Variants in LYPD6B observed in about 807,000 individuals in gnomAD.
LYPD6B encodes ly6/PLAUR domain-containing protein 6B.
LYPD6B carries 17 observed loss-of-function variants against 22.8 expected under a neutral mutation model. The observed-to-expected ratio is 0.75, with a 90% CI of 0.51 to 1.12. The LOEUF is 1.12. Ranked by LOEUF, LYPD6B falls within the 50% of genes most tolerant of loss-of-function variation. The pLI, the probability that LYPD6B is intolerant of heterozygous loss-of-function variation, is 0.00. For synonymous variants in LYPD6B, 106 were observed against 91.6 expected, an observed-to-expected ratio of 1.16 and a Z score of -0.90; for missense variants, 221 against 258.3, an observed-to-expected ratio of 0.86 and a Z score of 0.99.
intron 1 of LYPD6B, among the ~76,000 whole-genome samples, chr2:149,061,885 C>CTA (rs1165148875): frequency 6.6e-6 from 1 of 151,866 alleles, no homozygotes; most frequent in Non-Finnish European, 1.5e-5. Context: ...AAAAGTTAAA[C>CTA]ATTATCTCTA....
At chr2:149,130,623 C>T (rs533413277) in intron 1 of LYPD6B, among the ~76,000 whole-genome samples, 2 of 152,284 alleles carry the variant, frequency 1.3e-5, no homozygotes, top group South Asian at 4.1e-4. Flanking sequence ...ACTGCATTCT[C>T]CTTCCTAATT....
intron 2 of LYPD6B, among the ~76,000 whole-genome samples, chr2:149,151,334 T>C (rs1430512598): frequency 6.6e-6 from 1 of 152,134 alleles, no homozygotes; most frequent in Non-Finnish European, 1.5e-5. Context: ...CTGTTATAGG[T>C]GCAGGGTGCT....
At chr2:149,189,874 A>C (rs1420424268) in intron 3 of LYPD6B, among the ~76,000 whole-genome samples, 1 of 152,154 alleles carries the variant, frequency 6.6e-6, no homozygotes, top group Non-Finnish European at 1.5e-5. Context: ...CAAAAATGCT[A>C]TTTTGTACCA....
chr2:149,134,637 A>G (rs1470778272), intron 2 of LYPD6B, among the ~76,000 whole-genome samples: 1 of 152,246 alleles, frequency 6.6e-6, no homozygotes, highest in African/African-American at 2.4e-5. Flanking sequence ...CAACAACCCC[A>G]TTCTCTCACA....
intron 3 of LYPD6B, chr2:149,200,799 G>A (rs1229678241): frequency 2.0e-5 from 3 of 152,210 alleles, no homozygotes; most frequent in Non-Finnish European, 4.4e-5. Context: ...CTGGAAGCCT[G>A]AGAGTTGCCC....
intron 3 of LYPD6B, among the ~76,000 whole-genome samples, chr2:149,167,880 T>C (rs1282879335): frequency 6.6e-6 from 1 of 152,100 alleles, no homozygotes; most frequent in African/African-American, 2.4e-5. Flanking sequence ...ATAATAAACA[T>C]AGAGGTTTTT....
At chr2:149,150,344 C>T (rs1689291489) in intron 2 of LYPD6B, among the ~76,000 whole-genome samples, 1 of 152,152 alleles carries the variant, frequency 6.6e-6, no homozygotes, top group Non-Finnish European at 1.5e-5. Context: ...CTGGTGCACA[C>T]CCTCTGATTT....
In LYPD6B at chr2:149,184,166, A is replaced by G. The variant is rs1691942941; in HGVS notation, c.78-21087A>G. Among the ~76,000 whole-genome samples the G allele has an allele frequency of 2.0e-5, 3 of 147,990 alleles. No individual in the cohort carries two copies. The Admixed American group carries it at 2.1e-4, about 10-fold the overall frequency. On this transcript the variant is annotated intron_variant, in intron 3 of 6. Transcript: ENST00000409642. ...AAGATTGAGCCATTGCACTCCAGCA[A>G]CAAGAGTGAAACTCCATCTCAAAAA...
intron 1 of LYPD6B, among the ~76,000 whole-genome samples, chr2:149,050,747 A>T (rs2105282606): frequency 6.6e-6 from 1 of 152,318 alleles, no homozygotes; most frequent in Middle Eastern, 3.4e-3. Context: ...TAGGTCAAAC[A>T]GGGGACACCT....
chr2:149,202,590 T>G (rs911013171), intron 3 of LYPD6B, among the ~76,000 whole-genome samples: 12 of 152,348 alleles, frequency 7.9e-5, no homozygotes, highest in African/African-American at 2.9e-4. Context: ...TATGACTATC[T>G]GAAATTATGT....
At chr2:149,208,159 A>T (rs980735782) in intron 4 of LYPD6B, among the ~76,000 whole-genome samples, 155 bp from the exon 5 acceptor site, 3 of 152,240 alleles carry the variant, frequency 2.0e-5, no homozygotes, top group Non-Finnish European at 2.9e-5. Context: ...CAAAAGCCTG[A>T]TGAGTAAATC....
chr2:149,201,744 T>C (rs1483919635), intron 3 of LYPD6B, among the ~76,000 whole-genome samples: 1 of 152,194 alleles, frequency 6.6e-6, no homozygotes, highest in Non-Finnish European at 1.5e-5. Flanking sequence ...TTTTGCAGAA[T>C]TTTGATAGAA....
In LYPD6B at chr2:149,214,654, G is replaced by A. The variant is rs757641081; in HGVS notation, c.568G>A (p.Ala190Thr). ...MHAQRTSGSS[A>T]PTLYLPVLAW... ...CGCTCAGAGAACATCTGGCAGCAGT[G>A]CCCCCACACTCTACCTACCAGTGCT... The change falls in exon 7 of 7, where the codon GCC becomes ACC. Residue 190 changes from alanine to threonine, a missense_variant. Physicochemically the swap from Ala to Thr is moderately conservative, Grantham distance 58. Transcript: ENST00000409642. 2 of 1,613,976 alleles carry A rather than the reference G, an allele frequency of 1.2e-6. No homozygotes were observed. Among genetic ancestry groups the A allele is most frequent in the Non-Finnish European group, 1.7e-6 (2 of 1,179,874 alleles).
At chr2:149,206,947 A>G (rs973585663) in intron 4 of LYPD6B, among the ~76,000 whole-genome samples, 1 of 152,134 alleles carries the variant, frequency 6.6e-6, no homozygotes. Flanking sequence ...AAGAAATCAC[A>G]AGCAAACTAA....
intron 3 of LYPD6B, among the ~76,000 whole-genome samples, chr2:149,197,050 C>G (rs1028831999): frequency 6.6e-6 from 1 of 152,130 alleles, no homozygotes; most frequent in Non-Finnish European, 1.5e-5. Context: ...GAAATGAGTT[C>G]AATAAAGAGA....
At chr2:149,069,378 C>T (rs1684492670) in intron 1 of LYPD6B, among the ~76,000 whole-genome samples, 1 of 152,104 alleles carries the variant, frequency 6.6e-6, no homozygotes, top group Admixed American at 6.6e-5. Flanking sequence ...TACCTAAGAA[C>T]AGCAGAGTGA....
At chr2:149,157,185 G>A (rs994448994) in intron 2 of LYPD6B, among the ~76,000 whole-genome samples, 1 of 152,022 alleles carries the variant, frequency 6.6e-6, no homozygotes, top group Admixed American at 6.6e-5. Flanking sequence ...TCAGCCTGTC[G>A]GGGGCCGGCT....
intron 3 of LYPD6B, among the ~76,000 whole-genome samples, chr2:149,177,552 T>C (rs1266755816): frequency 6.6e-6 from 1 of 152,238 alleles, no homozygotes; most frequent in African/African-American, 2.4e-5. Flanking sequence ...AACTCATACA[T>C]TGATTTTTGG....
chr2:149,093,634 C>T (rs897822489), intron 1 of LYPD6B, among the ~76,000 whole-genome samples: 25 of 152,118 alleles, frequency 1.6e-4, no homozygotes, highest in African/African-American at 5.8e-4. Flanking sequence ...CTCTTTATTA[C>T]CTATTTCTAC....
Sources: gnomAD v4.1 joint callset for allele counts (sites outside exome capture counted in the v4.1 genomes callset) on GRCh38, gnomAD v4.1.1 for gene constraint, MANE v1.5 for transcripts, NCBI Gene and HGNC (gene_info 2026-07-23, HGNC 2026-07-21) for gene names.